The following NIPBL variants were observed in gnomAD, a reference collection of about 807,000 sequenced individuals.
The protein encoded by NIPBL is NIPBL cohesin loading factor.
A neutral mutation model predicts 321.8 loss-of-function variants in NIPBL; 19 were observed. That is an observed-to-expected ratio of 0.06 (90% confidence interval 0.04 to 0.09). NIPBL has a LOEUF of 0.09. Ranked by LOEUF, NIPBL falls within the 10% of genes least tolerant of loss-of-function variation. NIPBL has a pLI of 1.00. For synonymous variants in NIPBL, 1,106 were observed against 1,114.1 expected (o/e 0.99, Z 0.14); for missense variants, 2,210 against 3,327.0 (o/e 0.66, Z 8.26).
In NIPBL at chr5:36,975,808, T is replaced by G; in HGVS notation, c.901T>G (p.Ser301Ala). Residue 301 changes from serine to alanine, a missense_variant, in exon 9 of 47, where the codon TCT (serine) becomes GCT (alanine). Ser to Ala is a moderately conservative substitution (Grantham distance 99, BLOSUM62 1). Transcript: ENST00000282516. ...SRPPLILQSQ[S>A]LPCSSPRDVP... ...ACCACCTTTAATCCTACAATCTCAG[T>G]CTCTACCTTGTTCATCACCTCGAGA... 1 of 1,613,678 alleles carries G rather than the reference T, an allele frequency of 6.2e-7. No individual in the cohort carries two copies. Among genetic ancestry groups the G allele is most frequent in the Non-Finnish European group, 8.5e-7 (1 of 1,179,828 alleles).
chr5:37,006,408 A>G lies in NIPBL; in HGVS notation c.3907A>G (p.Arg1303Gly). Residue 1303 changes from arginine to glycine, a missense_variant, in exon 17 of 47, where the codon AGA becomes GGA. By Grantham distance (125) the Arg-to-Gly change is moderately radical. Coordinates refer to ENST00000282516, the MANE Select transcript of NIPBL (RefSeq NM_133433.4). ...ERLWRDLIMERVTKSADACLT... is the reference protein window; with the variant it reads ...ERLWRDLIMEGVTKSADACLT... ...GTTATGGAGAGACCTTATTATGGAG[A>G]GAGTTACAAAATCAGCGGATGCTTG... 1 of 1,612,340 alleles carries G rather than the reference A, an allele frequency of 6.2e-7. No individual in the cohort carries two copies.
At chr5:36,910,683 T>TA (rs1244871229) in intron 1 of NIPBL, among the ~76,000 whole-genome samples, 1 of 152,200 alleles carries the variant, frequency 6.6e-6, no homozygotes, top group African/African-American at 2.4e-5. Flanking sequence ...TTTTTTATCT[T>TA]ACCTTTTTTT....
intron 1 of NIPBL, among the ~76,000 whole-genome samples, chr5:36,908,201 GA>G (rs914321611): frequency 6.6e-5 from 10 of 152,154 alleles, no homozygotes; most frequent in African/African-American, 2.4e-4. Flanking sequence ...ATCTTTTGGG[GA>G]AAAAACTCTT....
intron 10 of NIPBL, among the ~76,000 whole-genome samples, chr5:36,992,171 A>G (rs1186874702): frequency 6.6e-6 from 1 of 152,168 alleles, no homozygotes; most frequent in Non-Finnish European, 1.5e-5. Flanking sequence ...TGACTAAATG[A>G]CATTATTCAT....
At chr5:36,961,998 T>C (rs1015312566) in intron 5 of NIPBL, 125 bp from the exon 6 acceptor site, 1 of 1,074,088 alleles carries the variant, frequency 9.3e-7, no homozygotes, top group Non-Finnish European at 1.4e-6. Context: ...TGCAAGATTC[T>C]TCTGTTTGCA....
chr5:36,952,051 T>TGC (rs1554010252), intron 1 of NIPBL, among the ~76,000 whole-genome samples: 1,885 of 102,662 alleles, frequency 0.018, 13 homozygotes, highest in East Asian at 0.027. Context: ...TGTGTGTGTG[T>TGC]GTGCGCGCGC....
intron 1 of NIPBL, chr5:36,885,912 T>C (rs1440739122): frequency 2.7e-6 from 2 of 737,160 alleles, no homozygotes; most frequent in Non-Finnish European, 5.0e-6. Context: ...ACCGTGAAGG[T>C]AGATGCTCCC....
chr5:37,016,901 G>GAA, intron 23 of NIPBL, 118 bp from the exon 24 acceptor site: 11 of 722,730 alleles, frequency 1.5e-5, no homozygotes, highest in South Asian at 1.1e-4. Context: ...AATATCACAG[G>GAA]AAAAAAAAAA....
chr5:36,991,126 A>G (rs984174390), intron 10 of NIPBL, among the ~76,000 whole-genome samples: 2 of 152,110 alleles, frequency 1.3e-5, no homozygotes, highest in African/African-American at 4.8e-5. Context: ...GCCTATAAAA[A>G]TATTAGCGTT....
intron 37 of NIPBL, 28 bp downstream of exon 37, chr5:37,045,625 T>A (rs1403516312): frequency 2.5e-6 from 4 of 1,606,850 alleles, no homozygotes; most frequent in African/African-American, 1.3e-5. Context: ...TAAAATGCTA[T>A]AAAACATAGA....
intron 1 of NIPBL, among the ~76,000 whole-genome samples, chr5:36,903,679 T>C (rs768964363): frequency 2.6e-5 from 4 of 152,188 alleles, no homozygotes; most frequent in Non-Finnish European, 4.4e-5. Context: ...GATGGAGAAC[T>C]TTATTTAAAC....
chr5:36,948,298 G>A (rs1052656339), intron 1 of NIPBL, among the ~76,000 whole-genome samples: 2 of 151,916 alleles, frequency 1.3e-5, no homozygotes, highest in African/African-American at 4.8e-5. Flanking sequence ...AGTATGTTGT[G>A]TTGGGTGCCA....
intron 10 of NIPBL, 191 bp from the exon 11 acceptor site, chr5:36,995,431 A>G (rs1165697209): frequency 1.9e-6 from 1 of 519,270 alleles, no homozygotes; most frequent in Non-Finnish European, 3.4e-6. Flanking sequence ...AATTATATGT[A>G]TATATGTACA....
intron 1 of NIPBL, among the ~76,000 whole-genome samples, chr5:36,910,634 A>G (rs1230647636): frequency 1.3e-5 from 2 of 152,112 alleles, no homozygotes; most frequent in African/African-American, 2.4e-5. Flanking sequence ...CAATGAAAAT[A>G]TTGCTGTAGC....
At chr5:37,011,258 A>G (rs903351604) in intron 21 of NIPBL, among the ~76,000 whole-genome samples, 4 of 152,190 alleles carry the variant, frequency 2.6e-5, no homozygotes, top group Non-Finnish European at 4.4e-5. Context: ...TAAATATGTA[A>G]TAATTATTAA....
At position 36,970,766 on chromosome 5, in the gene NIPBL, A is replaced by G. The variant is rs915634855; in HGVS notation, c.611-110A>G. ...ACTAGTCAGTACATGAGTATCTGTT[A>G]TATTATTCTCTGTAATTTCTATATG... On this transcript the variant is annotated intron_variant, in intron 6 of 46. Transcript: ENST00000282516. 5 of 938,692 alleles carry G rather than the reference A, an allele frequency of 5.3e-6. No homozygotes were observed. In the East Asian group the frequency reaches 1.1e-4, roughly 20 times the overall value. 58.1% of individuals were successfully genotyped at this position (938,692 alleles called of 1,614,324 possible).
intron 1 of NIPBL, among the ~76,000 whole-genome samples, chr5:36,882,986 G>T (rs158794): frequency 0.14 from 20,517 of 151,464 alleles, 1,730 homozygotes; most frequent in East Asian, 0.31. Context: ...TTAAATGCAG[G>T]TACTGTGGAA....
At chr5:37,025,604 T>C (rs1750172945) in intron 30 of NIPBL, among the ~76,000 whole-genome samples, 1 of 152,112 alleles carries the variant, frequency 6.6e-6, no homozygotes, top group Non-Finnish European at 1.5e-5. Flanking sequence ...AGTAGCACAA[T>C]AGGGTGACTA....
chr5:36,979,791 C>T (rs1743930966), intron 9 of NIPBL, among the ~76,000 whole-genome samples: 1 of 151,678 alleles, frequency 6.6e-6, no homozygotes, highest in Non-Finnish European at 1.5e-5. Context: ...TAATATTACT[C>T]AGCTTTTCTT....
Sources: allele counts gnomAD v4.1 joint callset (sites outside exome capture counted in the v4.1 genomes callset), GRCh38; gene constraint gnomAD v4.1.1; transcripts MANE v1.5; gene names NCBI Gene and HGNC (gene_info 2026-07-23, HGNC 2026-07-21).